DLG5: variants seen among roughly 807,000 people sequenced by gnomAD.
DLG5 encodes discs large MAGUK scaffold protein 5.
A neutral mutation model predicts 189.8 loss-of-function variants in DLG5; 48 were observed. The observed-to-expected ratio is 0.25, with a 90% CI of 0.20 to 0.32. The LOEUF is 0.32. Ranked by LOEUF, DLG5 falls within the 10% of genes least tolerant of loss-of-function variation. DLG5 has a pLI of 1.00. For missense variants in DLG5, 2,160 were observed against 2,544.7 expected, an observed-to-expected ratio of 0.85 and a Z score of 3.25; for synonymous variants, 1,016 against 1,054.1, an observed-to-expected ratio of 0.96 and a Z score of 0.70.
At chr10:77,933,265 T>C in the DLG5 span, among the ~76,000 whole-genome samples, 1 of 151,922 alleles carries the variant, frequency 6.6e-6, no homozygotes, top group Non-Finnish European at 1.5e-5. Flanking sequence ...TTGTTTTTGT[T>C]TGGGTTTTTG....
At chr10:77,793,906 TGTAGAAA>T in intron 31 of DLG5, 95 bp downstream of exon 31, 1 of 1,028,632 alleles carries the variant, frequency 9.7e-7, no homozygotes, top group Non-Finnish European at 1.5e-6. Flanking sequence ...CTTGGGAGCA[TGTAGAAA>T]GTGCGGGCTT....
At chr10:77,825,373 A>AG (rs1842572019) in intron 13 of DLG5, among the ~76,000 whole-genome samples, 1 of 55,946 alleles carries the variant, frequency 1.8e-5, no homozygotes, top group Non-Finnish European at 3.5e-5. Context: ...ACCACACACA[A>AG]CCACACACAC....
Position 77,809,783 on chromosome 10 carries a change from A to G in DLG5, c.4464-53T>C, listed in dbSNP as rs892794149. The G allele has an allele frequency of 2.6e-6, 4 of 1,568,586 alleles. No individual in the cohort carries two copies. In the African/African-American group the frequency reaches 4.1e-5, roughly 16 times the overall value. ...ACTGTGCACAAAGAGGAGGCACAAA[A>G]AGACAAAGCAGTGGCCAATGCCCTA... On this transcript the variant is annotated intron_variant, in intron 23 of 31. Transcript: ENST00000372391.
intron 27 of DLG5, among the ~76,000 whole-genome samples, chr10:77,798,116 G>A (rs1020400800): frequency 1.3e-5 from 2 of 152,146 alleles, no homozygotes; most frequent in Non-Finnish European, 2.9e-5. Context: ...GAACCCAGGA[G>A]GCGGAGGTTG....
chr10:77,839,074 G>A (rs1589192182), intron 7 of DLG5, among the ~76,000 whole-genome samples: 2 of 152,358 alleles, frequency 1.3e-5, no homozygotes, highest in Non-Finnish European at 2.9e-5. Flanking sequence ...CTGGGAATGC[G>A]GTGGTTGCCG....
At position 77,926,409 on chromosome 10, in the gene DLG5, G is replaced by C; in HGVS notation, c.112C>G (p.Pro38Ala). 2 of 1,585,310 alleles carry C rather than the reference G, an allele frequency of 1.3e-6. No homozygotes were observed. The highest frequency in any genetic ancestry group is 1.7e-6 in the Non-Finnish European group (2 of 1,168,250). ...GLLEAAGALS[P>A]GERRQLDEEA... ...TCGTCCAGCTGCCGCCGCTCGCCGG[G>C]ACTGAGCGCTCCCGCGGCCTCGAGC... is the stretch of plus-strand genomic sequence containing the variant. The change falls in exon 1 of 32, where the codon CCC (proline) becomes GCC (alanine). Residue 38 changes from proline (P) to alanine (A), a missense_variant. Pro to Ala is a conservative substitution (Grantham distance 27). Coordinates refer to ENST00000372391, the MANE Select transcript of DLG5 (RefSeq NM_004747.4). This position sits in a 1 kb window ranked among gnomAD's most constrained non-coding sequence, Gnocchi z 5.2.
At chr10:77,802,144 T>C (rs1294845798) in intron 27 of DLG5, among the ~76,000 whole-genome samples, 1 of 152,226 alleles carries the variant, frequency 6.6e-6, no homozygotes, top group African/African-American at 2.4e-5. Context: ...ACAATTTGAC[T>C]GACCCAGTGG....
At chr10:77,928,637 G>T (rs1846757819), upstream of DLG5, 1 of 152,268 alleles carries the variant, frequency 6.6e-6, no homozygotes, top group South Asian at 2.1e-4. Flanking sequence ...TGTGTTCTTA[G>T]CTGGATTAAC....
chr10:77,803,010 AT>A (rs1297132114), intron 27 of DLG5, among the ~76,000 whole-genome samples: 5 of 152,228 alleles, frequency 3.3e-5, no homozygotes, highest in African/African-American at 1.2e-4. Flanking sequence ...GGCCAAAGCA[AT>A]GATTTCTCTT....
rs1210868876 is a variant in DLG5 at position 77,885,992 on chromosome 10, ACCTGGACACCC to A, written c.305-16806_305-16796del. Among the ~76,000 whole-genome samples, 4 of 152,152 alleles carry A rather than the reference ACCTGGACACCC, an allele frequency of 2.6e-5. No homozygotes were observed. The South Asian group carries it at 8.3e-4, about 31-fold the overall frequency. ...TAGAGAAAGGTCCCCCCAGATAAGC[ACCTGGACACCC>A]TGTGCAGGCTGTGAGAGCCAACAGA... On this transcript the variant is annotated intron_variant, in intron 1 of 31. Transcript: ENST00000372391.
At chr10:77,820,410 C>T (rs559131566) in intron 15 of DLG5, 102 of 167,254 alleles carry the variant, frequency 6.1e-4, no homozygotes, top group Non-Finnish European at 9.3e-4. Flanking sequence ...CCAGTTTCTG[C>T]CCCCCAGGAA....
rs758872634 is a variant in DLG5, at chr10:77,821,746, C to T, written c.2738G>A (p.Arg913Gln). The change falls in exon 15 of 32, where the codon CGG becomes CAG. Residue 913 changes from arginine to glutamine, a missense_variant. Coordinates refer to ENST00000372391, the MANE Select transcript of DLG5 (RefSeq NM_004747.4). ...RGFGLVDVRG[R>Q]RPLLPFETEV... ...GGTCTCAAAGGGCAGCAGTGGCCGC[C>T]GGCCACGCACGTCCACCAGCCCAAA... 18 of 1,608,666 alleles carry T rather than the reference C, an allele frequency of 1.1e-5. No homozygotes were observed. Among genetic ancestry groups the T allele is most frequent in the East Asian group, 2.2e-5 (1 of 44,756 alleles).
intron 1 of DLG5, among the ~76,000 whole-genome samples, chr10:77,924,792 G>A (rs1000757600): frequency 3.9e-5 from 6 of 152,038 alleles, no homozygotes; most frequent in Admixed American, 1.3e-4. Context: ...AAGTGGAGAC[G>A]GGAGGGCCAC....
At chr10:77,848,480 G>A (rs1333438211) in intron 5 of DLG5, among the ~76,000 whole-genome samples, 4 of 152,070 alleles carry the variant, frequency 2.6e-5, no homozygotes, top group African/African-American at 9.7e-5. Context: ...GCACTGCCCT[G>A]GTCCCAGGAA....
intron 27 of DLG5, 73 bp downstream of exon 27, chr10:77,805,592 C>T: frequency 3.4e-6 from 5 of 1,477,018 alleles, no homozygotes; most frequent in Non-Finnish European, 4.6e-6. Context: ...GTTTAAGTCC[C>T]TGTTGTGGAG....
In DLG5 at chr10:77,816,706, A is replaced by G. The variant is rs778565984; in HGVS notation, c.3875-5T>C. The G allele has an allele frequency of 1.4e-5, 22 of 1,601,068 alleles. 1 individual carries two copies. Among genetic ancestry groups the G allele is most frequent in the Non-Finnish European group, 1.9e-5 (22 of 1,173,322 alleles). On this transcript the variant is annotated splice_region_variant and splice_polypyrimidine_tract_variant and intron_variant, in intron 19 of 31. Transcript: ENST00000372391. ...ATTCAGAATGTGACACTGAACCTGC[A>G]GAGAGGAGCGGGTAATGCCGGTGTG... is the stretch of plus-strand genomic sequence containing the variant.
At chr10:77,812,143 C>G (rs1174733676) in intron 21 of DLG5, 72 bp downstream of exon 21, 1 of 1,595,580 alleles carries the variant, frequency 6.3e-7, no homozygotes, top group African/African-American at 1.3e-5. Context: ...CACTGCTGTT[C>G]CCTAGGAGGA....
At chr10:77,806,718 AC>A in intron 26 of DLG5, 39 bp downstream of exon 26, 7 of 1,333,648 alleles carry the variant, frequency 5.2e-6, no homozygotes, top group South Asian at 1.2e-5. Flanking sequence ...GCCCTCGGCG[AC>A]CCCTGCCCCA....
At chr10:77,841,772 T>C (rs1230754224) in intron 7 of DLG5, 109 bp downstream of exon 7, 3 of 1,311,704 alleles carry the variant, frequency 2.3e-6, no homozygotes, top group African/African-American at 1.5e-5. Flanking sequence ...TGAGAAGCCA[T>C]TTACTCCAAC....
Sources: gnomAD v4.1 joint callset for allele counts (sites outside exome capture counted in the v4.1 genomes callset) on GRCh38, gnomAD v4.1.1 for gene constraint, Gnocchi (gnomAD v3.1) non-coding constraint, MANE v1.5 for transcripts, NCBI Gene and HGNC (gene_info 2026-07-23, HGNC 2026-07-21) for gene names.